Variants in ERC2 observed in about 807,000 individuals in gnomAD.
The protein encoded by ERC2 is ERC protein 2.
ERC2 carries 42 observed loss-of-function variants against 114.8 expected under a neutral mutation model. That is an observed-to-expected ratio of 0.37 (90% CI 0.29 to 0.47). The LOEUF is 0.47. Ranked by LOEUF, ERC2 falls within the 20% of genes least tolerant of loss-of-function variation. The pLI is 0.99. For synonymous variants in ERC2, 454 were observed against 425.5 expected (o/e 1.07, Z -0.82); for missense variants, 939 against 1,150.7 (o/e 0.82, Z 2.66).
chr3:56,081,171 G>C (rs1294141821), intron 6 of ERC2, among the ~76,000 whole-genome samples, 187 bp from the exon 7 acceptor site: 2 of 148,724 alleles, frequency 1.3e-5, no homozygotes, highest in African/African-American at 4.9e-5. Context: ...CCTATTGTGT[G>C]CACATCTCAA....
chr3:55,751,191 C>G (rs1232884678), intron 14 of ERC2, among the ~76,000 whole-genome samples: 1 of 152,154 alleles, frequency 6.6e-6, no homozygotes, highest in Non-Finnish European at 1.5e-5. Flanking sequence ...AAGCTGGCTG[C>G]CTTATAAATG....
chr3:55,645,680 G>A (rs1267067051), intron 17 of ERC2, among the ~76,000 whole-genome samples: 3 of 152,116 alleles, frequency 2.0e-5, no homozygotes, highest in Non-Finnish European at 2.9e-5. Flanking sequence ...GTTGACTCTC[G>A]ACACAGTGGG....
At chr3:56,129,527 C>T (rs1575526698) in intron 6 of ERC2, among the ~76,000 whole-genome samples, 1 of 152,108 alleles carries the variant, frequency 6.6e-6, no homozygotes, top group Non-Finnish European at 1.5e-5. Context: ...GATTTCCCTC[C>T]TCCTAAATTC....
intron 3 of ERC2, among the ~76,000 whole-genome samples, chr3:56,220,433 G>C (rs909132382): frequency 5.3e-5 from 8 of 152,206 alleles, no homozygotes; most frequent in African/African-American, 1.9e-4. Context: ...GCCAAAAATT[G>C]GCTGACTGAA....
intron 8 of ERC2, among the ~76,000 whole-genome samples, chr3:56,016,947 C>T (rs761823713): frequency 6.6e-6 from 1 of 152,054 alleles, no homozygotes; most frequent in Non-Finnish European, 1.5e-5. Context: ...AGAGGAAAAC[C>T]CTCACAACAT....
chr3:56,108,346 C>T (rs892733462), intron 6 of ERC2, among the ~76,000 whole-genome samples: 8 of 151,940 alleles, frequency 5.3e-5, no homozygotes, highest in Non-Finnish European at 7.4e-5. Context: ...TGAAGTTTAT[C>T]GCAGAACAAC....
intron 14 of ERC2, among the ~76,000 whole-genome samples, chr3:55,871,133 A>G (rs1225445413): frequency 6.6e-6 from 1 of 152,228 alleles, no homozygotes; most frequent in African/African-American, 2.4e-5. Context: ...AGTGGTGTCA[A>G]AGTTGGATGT....
At chr3:55,584,864 T>C (rs1363815523) in intron 17 of ERC2, among the ~76,000 whole-genome samples, 1 of 152,206 alleles carries the variant, frequency 6.6e-6, no homozygotes, top group Admixed American at 6.5e-5. Context: ...AGAAGGAAGA[T>C]ATCCAAGCGC....
rs563936339 is a variant in ERC2, at chr3:55,836,442, T to C, written c.2564+51947A>G. 7.4e-4 allele frequency among the ~76,000 whole-genome samples: 113 copies of C among 152,170 alleles called. 1 individual carries two copies. Among genetic ancestry groups the C allele is most frequent in the Non-Finnish European group, 9.0e-4 (61 of 68,006 alleles). ...TGGAACAGAACAGAACCCTCAGAAA[T>C]AATGCCGCTTATCTACAATTATATG... On this transcript the variant is annotated intron_variant, in intron 14 of 17. Transcript: ENST00000288221.
intron 13 of ERC2, among the ~76,000 whole-genome samples, chr3:55,947,293 C>G (rs887590854): frequency 6.6e-6 from 1 of 152,152 alleles, no homozygotes; most frequent in African/African-American, 2.4e-5. Flanking sequence ...AGGCCACCTA[C>G]AGCTGAAATT....
chr3:56,282,681 C>G lies in ERC2; in HGVS notation c.1074+13338G>C, dbSNP rs576460165. On this transcript the variant is annotated intron_variant, in intron 3 of 17. Transcript: ENST00000288221. ...GAAGATCTTCCATCTAACAGTGGTG[C>G]TGCTGCTGCTGCTGCTGCTGATTTA... 6.6e-5 allele frequency among the ~76,000 whole-genome samples: 10 copies of G among 151,916 alleles called. No individual in the cohort carries two copies. The South Asian group carries it at 1.7e-3, about 25-fold the overall frequency.
intron 13 of ERC2, among the ~76,000 whole-genome samples, chr3:55,939,331 G>T (rs1465505506): frequency 6.6e-6 from 1 of 152,206 alleles, no homozygotes; most frequent in Admixed American, 6.5e-5. Flanking sequence ...GCCTAAATCG[G>T]CATTTGCCCA....
Position 56,357,481 on chromosome 3 carries a change from C to G in ERC2, c.658-61046G>C, listed in dbSNP as rs2058790179. ...CCTCTACAGCCTGCATAGGCCCAGGCTGACTACAGCTGGAGCTGGCACCTC... is the reference window on the plus strand; with the variant it reads ...CCTCTACAGCCTGCATAGGCCCAGGGTGACTACAGCTGGAGCTGGCACCTC... On this transcript the variant is annotated intron_variant, in intron 2 of 17. Coordinates refer to ENST00000288221, the MANE Select transcript of ERC2 (RefSeq NM_015576.3). Among the ~76,000 whole-genome samples, 4 of 152,224 alleles carry G rather than the reference C, an allele frequency of 2.6e-5. No homozygotes were observed. In the East Asian group the frequency reaches 7.8e-4, roughly 30 times the overall value.
At chr3:55,597,669 C>T (rs2058210358) in intron 17 of ERC2, among the ~76,000 whole-genome samples, 1 of 152,152 alleles carries the variant, frequency 6.6e-6, no homozygotes, top group Non-Finnish European at 1.5e-5. Context: ...TAGTTCACTG[C>T]CTTCCTGGCC....
rs2061511088 is a variant in ERC2 at position 55,850,164 on chromosome 3, T to C, written c.2564+38225A>G. 4.6e-5 allele frequency among the ~76,000 whole-genome samples: 7 copies of C among 152,368 alleles called. No homozygotes were observed. The South Asian group carries it at 1.5e-3, about 32-fold the overall frequency. On this transcript the variant is annotated intron_variant, in intron 14 of 17. Coordinates refer to ENST00000288221, the MANE Select transcript of ERC2 (RefSeq NM_015576.3). Reference sequence around the variant, plus strand: ...CGAACTTCTGGTCTGTGTCTCTGTGTATCTTCTTCTTTTCTGTCTCATAAG... The same window carrying C: ...CGAACTTCTGGTCTGTGTCTCTGTGCATCTTCTTCTTTTCTGTCTCATAAG...
At chr3:55,724,293 G>A (rs780595957) in intron 15 of ERC2, among the ~76,000 whole-genome samples, 1 of 152,306 alleles carries the variant, frequency 6.6e-6, no homozygotes, top group East Asian at 1.9e-4. Flanking sequence ...GAGCCAGCAG[G>A]GGCCAGGCGA....
intron 6 of ERC2, among the ~76,000 whole-genome samples, chr3:56,124,641 A>C (rs1040834223): frequency 2.0e-5 from 3 of 152,218 alleles, no homozygotes; most frequent in African/African-American, 7.2e-5. Flanking sequence ...TTCTCAAGAA[A>C]CTGAGAGTCA....
intron 3 of ERC2, among the ~76,000 whole-genome samples, chr3:56,236,308 C>T (rs773039754): frequency 6.6e-6 from 1 of 151,816 alleles, no homozygotes; most frequent in Non-Finnish European, 1.5e-5. Flanking sequence ...CTTGAGAAAC[C>T]ATATCCACTC....
intron 14 of ERC2, among the ~76,000 whole-genome samples, chr3:55,757,126 C>A (rs1419608075): frequency 1.3e-5 from 2 of 152,150 alleles, no homozygotes; most frequent in Non-Finnish European, 2.9e-5. Flanking sequence ...CAGAAAAGAA[C>A]ACAGAACACC....
Sources: gnomAD v4.1 joint callset for allele counts (sites outside exome capture counted in the v4.1 genomes callset) on GRCh38, gnomAD v4.1.1 for gene constraint, MANE v1.5 for transcripts, NCBI Gene and HGNC (gene_info 2026-07-23, HGNC 2026-07-21) for gene names.